The following MEGF6 variants were observed in gnomAD, a reference collection of about 807,000 sequenced individuals.
MEGF6 encodes multiple EGF like domains 6, also known as multiple epidermal growth factor-like domains protein 6.
A neutral mutation model predicts 207.1 loss-of-function variants in MEGF6; 184 were observed. The observed-to-expected ratio is 0.89, with a 90% confidence interval of 0.79 to 1.00. The LOEUF (loss-of-function observed/expected upper bound fraction) is 1.00, where lower values mean the gene tolerates loss of function less well. Among genes scored for constraint, MEGF6 ranks in the 50% least tolerant of loss-of-function variants. The pLI is 0.00. For missense variants in MEGF6, 2,282 were observed against 2,202.9 expected (o/e 1.04, Z -0.72); for synonymous variants, 1,038 against 910.0 (o/e 1.14, Z -2.53).
At chr1:3,539,852 G>A (rs1028643393) in intron 4 of MEGF6, among the ~76,000 whole-genome samples, 10 of 152,176 alleles carry the variant, frequency 6.6e-5, no homozygotes, top group African/African-American at 2.2e-4. Context: ...CCCAGGGTGC[G>A]CTGAGCTTTG....
In MEGF6 at chr1:3,489,223, C is replaced by G. The variant is rs895966348; in HGVS notation, c.*1305G>C. 1.3e-5 allele frequency among the ~76,000 whole-genome samples: 2 copies of G among 152,248 alleles called. No homozygotes were observed. Among genetic ancestry groups the G allele is most frequent in the Non-Finnish European group, 2.9e-5 (2 of 68,044 alleles). ...TCATCAGCTTCCTCTGTGACAGCTC[C>G]CTTGCTGTCTGTGAGCAACCAAGCT... On this transcript the variant is annotated 3_prime_UTR_variant, in exon 37 of 37. Transcript: ENST00000356575.
the MEGF6 span, among the ~76,000 whole-genome samples, chr1:3,624,098 A>C: frequency 6.6e-6 from 1 of 151,710 alleles, no homozygotes; most frequent in East Asian, 1.9e-4. Context: ...TTCTCCCCCC[A>C]TCTCACTCTC....
chr1:3,504,148 A>G (rs1199773887), intron 17 of MEGF6, among the ~76,000 whole-genome samples: 2 of 151,234 alleles, frequency 1.3e-5, no homozygotes, highest in Admixed American at 6.6e-5. Flanking sequence ...GGGGAGGCAG[A>G]GGAGGGGGCT....
chr1:3,609,766 C>T (rs1644300647), intron 1 of MEGF6, among the ~76,000 whole-genome samples: 1 of 152,242 alleles, frequency 6.6e-6, no homozygotes, highest in Non-Finnish European at 1.5e-5. Context: ...CACTCCTCCC[C>T]TGGAGACCCC....
chr1:3,536,001 T>A (rs2101451495), intron 4 of MEGF6, among the ~76,000 whole-genome samples: 1 of 152,252 alleles, frequency 6.6e-6, no homozygotes, highest in East Asian at 1.9e-4. Context: ...CAAGGGGGCA[T>A]CCCTGGGGCC....
At chr1:3,619,135 A>G in the MEGF6 span, among the ~76,000 whole-genome samples, 1 of 152,202 alleles carries the variant, frequency 6.6e-6, no homozygotes, top group African/African-American at 2.4e-5. Flanking sequence ...GAATACACAC[A>G]CCCAGCGTGA....
At chr1:3,548,249 G>A (rs1018392636) in intron 4 of MEGF6, among the ~76,000 whole-genome samples, 2 of 152,194 alleles carry the variant, frequency 1.3e-5, no homozygotes, top group Admixed American at 6.5e-5. Context: ...GGGCCTTTCC[G>A]GACCTGAGCT....
At chr1:3,592,226 G>A (rs1643991068) in intron 3 of MEGF6, among the ~76,000 whole-genome samples, 1 of 152,206 alleles carries the variant, frequency 6.6e-6, no homozygotes, top group African/African-American at 2.4e-5. Context: ...CCACTGCCCT[G>A]AGAGGGGCAG....
intron 4 of MEGF6, among the ~76,000 whole-genome samples, chr1:3,541,325 G>T (rs537824135): frequency 6.6e-6 from 1 of 152,230 alleles, no homozygotes; most frequent in Non-Finnish European, 1.5e-5. Flanking sequence ...GGTTCAGCAA[G>T]AGCACATCGT....
At chr1:3,495,635 G>C (rs564704357) in intron 30 of MEGF6, among the ~76,000 whole-genome samples, 11 of 152,308 alleles carry the variant, frequency 7.2e-5, no homozygotes, top group Non-Finnish European at 1.0e-4. Flanking sequence ...GGGTCACTGG[G>C]TGGCCTGAGC....
intron 35 of MEGF6, among the ~76,000 whole-genome samples, chr1:3,491,779 G>A (rs1175074520): frequency 1.3e-5 from 2 of 151,300 alleles, no homozygotes; most frequent in African/African-American, 4.8e-5. Context: ...CGGGGGTGGG[G>A]GGGGGGGTGC....
chr1:3,611,997 AGCCTCG>A (rs1297551960), upstream of MEGF6, among the ~76,000 whole-genome samples: 1 of 152,116 alleles, frequency 6.6e-6, no homozygotes, highest in African/African-American at 2.4e-5. Context: ...CGGGGAAGCC[AGCCTCG>A]GCTTGTCCTG....
At chr1:3,592,790 C>T (rs1418735721) in intron 3 of MEGF6, among the ~76,000 whole-genome samples, 1 of 152,118 alleles carries the variant, frequency 6.6e-6, no homozygotes, top group Non-Finnish European at 1.5e-5. Flanking sequence ...ATTCCCCGGA[C>T]CATGAAAACA....
At chr1:3,509,399 G>A (rs573303629) in intron 11 of MEGF6, among the ~76,000 whole-genome samples, 154 bp from the exon 12 acceptor site, 1 of 152,162 alleles carries the variant, frequency 6.6e-6, no homozygotes, top group East Asian at 1.9e-4. Context: ...CTGGTCCCAG[G>A]GGTCATCCCA....
Position 3,546,702 on chromosome 1 carries a change from C to T in MEGF6, c.482-22456G>A, listed in dbSNP as rs12751489. ...GGGTGGCAGTGGGCTGGGAAGGGGG[C>T]TGCCAAGGAGGACGCCAAGGCGGGG... On this transcript the variant is annotated intron_variant, in intron 4 of 36. Coordinates refer to ENST00000356575, the MANE Select transcript of MEGF6 (RefSeq NM_001409.4). 4.3e-5 allele frequency among the ~76,000 whole-genome samples: 5 copies of T among 115,110 alleles called. No individual in the cohort carries two copies. The Admixed American group carries it at 4.8e-4, about 11-fold the overall frequency. The allele number at this position is 115,110 out of a possible 152,430, so 75.5% of individuals were successfully genotyped here.
chr1:3,558,427 G>A (rs1643097402), intron 4 of MEGF6, among the ~76,000 whole-genome samples: 1 of 152,196 alleles, frequency 6.6e-6, no homozygotes, highest in Non-Finnish European at 1.5e-5. Flanking sequence ...TTGAGGCCAG[G>A]AGTTCAATAT....
chr1:3,617,131 C>G, the MEGF6 span, among the ~76,000 whole-genome samples: 1 of 151,670 alleles, frequency 6.6e-6, no homozygotes, highest in Non-Finnish European at 1.5e-5. Flanking sequence ...TGCAGGCCCC[C>G]ACAACTGCCC....
rs1415488504 is a variant in MEGF6 at position 3,494,387 on chromosome 1, G to A, written c.4113C>T (p.Gly1371=). ...CCAACTCACGGTGCTCGCAGGCCTGGCCATAGAAGCCGGGGCCGCAGCGGC... is the reference window on the plus strand; with the variant it reads ...CCAACTCACGGTGCTCGCAGGCCTGACCATAGAAGCCGGGGCCGCAGCGGC... ...GTCRCGPGFY[G]QACEHPCPPG... The change falls in exon 32 of 37, where the codon GGC becomes GGT. Residue 1371 remains glycine, a synonymous_variant. Coordinates refer to ENST00000356575, the MANE Select transcript of MEGF6 (RefSeq NM_001409.4). 2 of 1,547,404 alleles carry A rather than the reference G, an allele frequency of 1.3e-6. No homozygotes were observed. Among genetic ancestry groups the A allele is most frequent in the East Asian group, 2.4e-5 (1 of 41,290 alleles).
chr1:3,567,575 C>A (rs1237405839), intron 4 of MEGF6, among the ~76,000 whole-genome samples: 1 of 152,232 alleles, frequency 6.6e-6, no homozygotes, highest in African/African-American at 2.4e-5. Flanking sequence ...GCCAGCACCG[C>A]GCAGCCCTGC....
Sources: gnomAD v4.1 joint callset for allele counts (sites outside exome capture counted in the v4.1 genomes callset) on GRCh38, gnomAD v4.1.1 for gene constraint, MANE v1.5 for transcripts, NCBI Gene and HGNC (gene_info 2026-07-23, HGNC 2026-07-21) for gene names.